Variants in CATSPERD observed in about 807,000 individuals in gnomAD.
CATSPERD encodes the protein catsper channel auxiliary subunit delta, also known as cation channel sperm-associated auxiliary subunit delta.
In CATSPERD, 86 loss-of-function variants were observed where a neutral mutation model predicts 98.1. The ratio of observed to expected loss-of-function variants is 0.88; its 90% CI spans 0.74 to 1.05. The LOEUF (loss-of-function observed/expected upper bound fraction) is 1.05. CATSPERD is among the 50% of genes least tolerant of loss of function. CATSPERD has a pLI of 0.00. For synonymous variants in CATSPERD, 394 were observed against 390.2 expected (o/e 1.01, Z -0.12); for missense variants, 995 against 1,005.7 (o/e 0.99, Z 0.14).
chr19:5,751,703 G>C lies in CATSPERD; in HGVS notation c.1044G>C (p.Gly348=), dbSNP rs563841352. The change falls in exon 12 of 22, where the codon GGG becomes GGC. Residue 348 remains glycine, a synonymous_variant. Coordinates refer to ENST00000381624, the MANE Select transcript of CATSPERD (RefSeq NM_152784.4). The part of the protein sequence containing the change: ...EDVALMFRSP[G]TLEILTPLRD... ...TGGCCCTGATGTTCAGGAGCCCAGGGACTCTGGAAATACTGACCCCACTGC... is the reference window on the plus strand; with the variant it reads ...TGGCCCTGATGTTCAGGAGCCCAGGCACTCTGGAAATACTGACCCCACTGC... The C allele has an allele frequency of 1.9e-6, 3 of 1,613,718 alleles. No individual in the cohort carries two copies. The South Asian group carries it at 3.3e-5, about 18-fold the overall frequency.
chr19:5,739,586 C>A (rs2145729379), intron 7 of CATSPERD, 147 bp downstream of exon 7: 1 of 514,852 alleles, frequency 1.9e-6, no homozygotes, highest in Non-Finnish European at 3.4e-6. Flanking sequence ...AATCCCAGCA[C>A]TTTGGGAGGC....
At chr19:5,773,089 C>G in intron 20 of CATSPERD, 124 bp downstream of exon 20, 1 of 972,850 alleles carries the variant, frequency 1.0e-6, no homozygotes. Context: ...CGCGGTGGCT[C>G]ACGCCTGTAA....
At chr19:5,769,140 C>T (rs983897494) in intron 18 of CATSPERD, among the ~76,000 whole-genome samples, 19 of 149,076 alleles carry the variant, frequency 1.3e-4, no homozygotes, top group South Asian at 4.3e-4. Flanking sequence ...GGCAACAGAG[C>T]AAGACTCTGT....
At chr19:5,747,214 C>T (rs557601398) in intron 9 of CATSPERD, among the ~76,000 whole-genome samples, 2 of 137,620 alleles carry the variant, frequency 1.5e-5, no homozygotes, top group East Asian at 4.4e-4. Context: ...ACTCTGTCAT[C>T]GAGACTGGAG....
At chr19:5,737,719 G>T (rs1204580931) in intron 6 of CATSPERD, among the ~76,000 whole-genome samples, 1 of 150,938 alleles carries the variant, frequency 6.6e-6, no homozygotes, top group South Asian at 2.1e-4. Flanking sequence ...GCATGGTGGC[G>T]TGTGCCTGTA....
chr19:5,770,713 G>A lies in CATSPERD; in HGVS notation c.1635-231G>A, dbSNP rs185937874. Among the ~76,000 whole-genome samples, 4 of 151,936 alleles carry A rather than the reference G, an allele frequency of 2.6e-5. No individual in the cohort carries two copies. In the East Asian group the frequency reaches 7.8e-4, roughly 30 times the overall value. ...AGAGGATTGCTTGGGCCCAGGAGGTGGAGGTTGCAGTGAGTCATGACTGCA... is the reference window on the plus strand; with the variant it reads ...AGAGGATTGCTTGGGCCCAGGAGGTAGAGGTTGCAGTGAGTCATGACTGCA... On this transcript the variant is annotated intron_variant, in intron 18 of 21. Transcript: ENST00000381624.
chr19:5,729,739 A>G (rs572868673), intron 3 of CATSPERD, 133 bp from the exon 4 acceptor site: 26 of 570,530 alleles, frequency 4.6e-5, no homozygotes, highest in African/African-American at 3.8e-4. Flanking sequence ...CAAAATAAGT[A>G]AATTATATCT....
intron 17 of CATSPERD, among the ~76,000 whole-genome samples, chr19:5,767,636 G>A (rs1355969084): frequency 3.3e-5 from 5 of 149,920 alleles, no homozygotes; most frequent in Admixed American, 6.7e-5. Context: ...ACAGGCGCCC[G>A]CCACCATGCC....
intron 17 of CATSPERD, 133 bp from the exon 18 acceptor site, chr19:5,768,035 T>C (rs756898269): frequency 7.5e-5 from 44 of 587,776 alleles, no homozygotes; most frequent in Non-Finnish European, 1.2e-4. Flanking sequence ...TGACCTCAGG[T>C]GATCCGCCCG....
At chr19:5,733,583 A>G (rs545757728) in intron 4 of CATSPERD, among the ~76,000 whole-genome samples, 142 of 151,824 alleles carry the variant, frequency 9.4e-4, no homozygotes, top group African/African-American at 3.4e-3. Flanking sequence ...CAGCCTCTCA[A>G]GTAGCTCGGA....
At position 5,751,754 on chromosome 19, in the gene CATSPERD, T is replaced by C; in HGVS notation, c.1095T>C (p.Asp365=). ...PLRDTAFPAF[D]FQKCLVNIQA... is the part of the protein sequence containing the mutation. ...GTGACACAGCCTTTCCAGCTTTTGATTTCCAGAAGTGCCTCGTGAATATCC... is the reference window on the plus strand; with the variant it reads ...GTGACACAGCCTTTCCAGCTTTTGACTTCCAGAAGTGCCTCGTGAATATCC... The change falls in exon 12 of 22, where the codon GAT becomes GAC. Residue 365 remains aspartate, a synonymous_variant. Coordinates refer to ENST00000381624, the MANE Select transcript of CATSPERD (RefSeq NM_152784.4). 2 of 1,613,866 alleles carry C rather than the reference T, an allele frequency of 1.2e-6. No individual in the cohort carries two copies. Among genetic ancestry groups the C allele is most frequent in the Non-Finnish European group, 1.7e-6 (2 of 1,179,962 alleles).
At chr19:5,732,660 TTTTTGTTTTG>T (rs754863814) in intron 4 of CATSPERD, among the ~76,000 whole-genome samples, 1 of 151,530 alleles carries the variant, frequency 6.6e-6, no homozygotes. Context: ...AAAATGGTGT[TTTTTGTTTTG>T]TTTTGTTTTG....
intron 6 of CATSPERD, among the ~76,000 whole-genome samples, chr19:5,738,644 C>T (rs902078209): frequency 2.0e-5 from 3 of 152,126 alleles, no homozygotes; most frequent in South Asian, 2.1e-4. Context: ...AGTGCAGTGG[C>T]GCAATCTCGG....
Position 5,751,695 on chromosome 19 carries a change from A to G in CATSPERD, c.1036A>G (p.Ser346Gly). 6.2e-7 allele frequency: 1 copy of G among 1,613,066 alleles called. No individual in the cohort carries two copies. The highest frequency in any genetic ancestry group is 8.5e-7 in the Non-Finnish European group (1 of 1,179,416). Residue 346 changes from serine (S) to glycine (G), a missense_variant, in exon 12 of 22, where the codon AGC (serine) becomes GGC (glycine). Physicochemically the swap from Ser to Gly is moderately conservative, Grantham distance 56 (BLOSUM62 0). Around this residue, in one of 3 missense-constraint regions of CATSPERD, gnomAD observed 762 missense variants for 773.7 expected, o/e 0.98. Transcript: ENST00000381624. ...WSEDVALMFR[S>G]PGTLEILTPL... The stretch of plus-strand genomic sequence containing the variant: ...AGAAGACGTGGCCCTGATGTTCAGG[A>G]GCCCAGGGACTCTGGAAATACTGAC...
chr19:5,766,907 G>A (rs1051246553), intron 17 of CATSPERD, among the ~76,000 whole-genome samples: 1 of 151,682 alleles, frequency 6.6e-6, no homozygotes, highest in African/African-American at 2.4e-5. Flanking sequence ...TGGCCAGGCT[G>A]GTCTCCAAAT....
Position 5,752,624 on chromosome 19 carries a change from A to G in CATSPERD, c.1164+801A>G, listed in dbSNP as rs571956099. On this transcript the variant is annotated intron_variant, in intron 12 of 21. Coordinates refer to ENST00000381624, the MANE Select transcript of CATSPERD (RefSeq NM_152784.4). Reference sequence around the variant, plus strand: ...TGAGGCAAGCATCAATCCAGCTGCAAATTTGCCAGAAATACAAAAGACAGA... The same window carrying G: ...TGAGGCAAGCATCAATCCAGCTGCAGATTTGCCAGAAATACAAAAGACAGA... Among the ~76,000 whole-genome samples, 4 of 152,298 alleles carry G rather than the reference A, an allele frequency of 2.6e-5. No individual in the cohort carries two copies. The East Asian group carries it at 5.8e-4, about 22-fold the overall frequency.
chr19:5,772,746 TCCCTGCTCCCTGCACAG>T (rs768174042), intron 19 of CATSPERD, 25 bp from the exon 20 acceptor site: 19 of 1,589,470 alleles, frequency 1.2e-5, no homozygotes, highest in Non-Finnish European at 1.6e-5. Context: ...TCCTGGGTTG[TCCCTGCTCCCTGCACAG>T]CCCTGCCCCG....
intron 11 of CATSPERD, among the ~76,000 whole-genome samples, chr19:5,750,633 C>T (rs2056193972): frequency 6.7e-6 from 1 of 148,680 alleles, no homozygotes; most frequent in African/African-American, 2.5e-5. Flanking sequence ...CCCAGCTACT[C>T]GTGAGGCAGG....
At chr19:5,768,658 G>T (rs1350758961) in intron 18 of CATSPERD, among the ~76,000 whole-genome samples, 1 of 151,884 alleles carries the variant, frequency 6.6e-6, no homozygotes, top group Non-Finnish European at 1.5e-5. Flanking sequence ...TTAAGAGATA[G>T]GGTCTGGCCC....
Sources: allele counts gnomAD v4.1 joint callset (sites outside exome capture counted in the v4.1 genomes callset), GRCh38; gene constraint gnomAD v4.1.1; regional missense constraint gnomAD v4.1.1; transcripts MANE v1.5; gene names NCBI Gene and HGNC (gene_info 2026-07-23, HGNC 2026-07-21).